PLCB1: variants seen among roughly 807,000 people sequenced by gnomAD.
The protein encoded by PLCB1 is 1-phosphatidylinositol 4,5-bisphosphate phosphodiesterase beta-1.
A neutral mutation model predicts 161.8 loss-of-function variants in PLCB1; 46 were observed. The ratio of observed to expected loss-of-function variants is 0.28; its 90% CI spans 0.22 to 0.36. The LOEUF is 0.36. Ranked by LOEUF, PLCB1 falls within the 10% of genes least tolerant of loss-of-function variation. The pLI, the probability that PLCB1 is intolerant of heterozygous loss-of-function variation, is 1.00. For synonymous variants in PLCB1, 517 were observed against 503.7 expected, an observed-to-expected ratio of 1.03 and a Z score of -0.35; for missense variants, 1,016 against 1,472.5, an observed-to-expected ratio of 0.69 and a Z score of 5.07.
At chr20:8,252,782 G>T (rs894191653) in intron 2 of PLCB1, among the ~76,000 whole-genome samples, 2 of 151,968 alleles carry the variant, frequency 1.3e-5, no homozygotes, top group South Asian at 4.1e-4. Context: ...ACAGAGATGT[G>T]TATGTAGGGA....
At chr20:8,872,108 T>C (rs1047157657) in intron 31 of PLCB1, among the ~76,000 whole-genome samples, 2 of 139,056 alleles carry the variant, frequency 1.4e-5, no homozygotes. Flanking sequence ...TAACTTATGT[T>C]GCCTTCTTAG....
intron 2 of PLCB1, among the ~76,000 whole-genome samples, chr20:8,239,593 T>TAAAA (rs765027402): frequency 7.1e-6 from 1 of 140,400 alleles, no homozygotes. Context: ...TTCTGGTACT[T>TAAAA]AAAAAAAAAA....
intron 31 of PLCB1, among the ~76,000 whole-genome samples, chr20:8,861,199 T>C (rs1174161850): frequency 6.6e-6 from 1 of 152,248 alleles, no homozygotes; most frequent in Non-Finnish European, 1.5e-5. Context: ...AAAATGTTGG[T>C]TGTATTTGTA....
chr20:8,697,552 A>G, intron 10 of PLCB1, 74 bp from the exon 11 acceptor site: 1 of 1,450,080 alleles, frequency 6.9e-7, no homozygotes, highest in South Asian at 1.2e-5. Context: ...GTTATTGAGG[A>G]GCCTTTCTAA....
intron 2 of PLCB1, among the ~76,000 whole-genome samples, chr20:8,175,434 G>C (rs1406051712): frequency 6.8e-6 from 1 of 148,084 alleles, no homozygotes; most frequent in African/African-American, 2.5e-5. Flanking sequence ...TGGAGACATT[G>C]GATATTCATA....
At chr20:8,345,530 G>C (rs16994710) in intron 2 of PLCB1, among the ~76,000 whole-genome samples, 29,915 of 152,102 alleles carry the variant, frequency 0.2, 3,229 homozygotes, top group East Asian at 0.38. Flanking sequence ...CCCTCTTTCT[G>C]GTCCAGGCAC....
At chr20:8,226,144 C>T (rs1600245457) in intron 2 of PLCB1, among the ~76,000 whole-genome samples, 1 of 152,154 alleles carries the variant, frequency 6.6e-6, no homozygotes, top group Admixed American at 6.5e-5. Context: ...GTGTCTTTTG[C>T]AGGTCATTCT....
chr20:8,792,100 TCA>T (rs2146225266), intron 31 of PLCB1: 1 of 153,268 alleles, frequency 6.5e-6, no homozygotes, highest in Non-Finnish European at 1.5e-5. Flanking sequence ...GACCGTGAAC[TCA>T]GTCATGAGAT....
chr20:8,757,079 A>C lies in PLCB1; in HGVS notation c.2557A>C (p.Ser853Arg). Residue 853 changes from serine to arginine, a missense_variant, in exon 24 of 32, where the codon AGT (serine) becomes CGT (arginine). Ser to Arg is a moderately radical substitution (Grantham distance 110, BLOSUM62 -1). Around this residue, in one of 10 missense-constraint regions of PLCB1, gnomAD observed 398 missense variants for 445.4 expected, o/e 0.89. Coordinates refer to ENST00000338037, the MANE Select transcript of PLCB1 (RefSeq NM_015192.4). ...DPGETPSEAP[S>R]EARTTPAENG... ...TGGAGAAACACCATCAGAGGCTCCAAGTGAAGCGAGAACGACTCCAGCAGA... is the reference window on the plus strand; with the variant it reads ...TGGAGAAACACCATCAGAGGCTCCACGTGAAGCGAGAACGACTCCAGCAGA... 6.2e-7 allele frequency: 1 copy of C among 1,610,754 alleles called. No homozygotes were observed. Among genetic ancestry groups the C allele is most frequent in the African/African-American group, 1.3e-5 (1 of 74,980 alleles).
chr20:8,884,225 T>A lies in PLCB1; in HGVS notation c.*2376T>A, dbSNP rs1002435429. ...ACTGTCCATCTTGCATCATTGAAAC[T>A]ACTACAATGATACTATCATTTAATA... On this transcript the variant is annotated 3_prime_UTR_variant, in exon 32 of 32. Coordinates refer to ENST00000338037, the MANE Select transcript of PLCB1 (RefSeq NM_015192.4). 1.3e-5 allele frequency: 2 copies of A among 152,752 alleles called. No individual in the cohort carries two copies. The highest frequency in any genetic ancestry group is 2.4e-5 in the African/African-American group (1 of 41,588). 9.5% of individuals were successfully genotyped at this position (152,752 alleles called of 1,614,324 possible).
At chr20:8,355,456 C>T (rs1379896340) in intron 2 of PLCB1, among the ~76,000 whole-genome samples, 1 of 152,174 alleles carries the variant, frequency 6.6e-6, no homozygotes, top group Non-Finnish European at 1.5e-5. Flanking sequence ...CTCCTAGGGT[C>T]TCTCTGTCCT....
chr20:8,237,721 C>T (rs1980397955), intron 2 of PLCB1, among the ~76,000 whole-genome samples: 1 of 151,856 alleles, frequency 6.6e-6, no homozygotes, highest in South Asian at 2.1e-4. Flanking sequence ...TTTCATTTAC[C>T]CTGATGTAGA....
chr20:8,730,978 C>A (rs910925963), intron 18 of PLCB1, among the ~76,000 whole-genome samples: 4 of 151,762 alleles, frequency 2.6e-5, no homozygotes, highest in African/African-American at 9.7e-5. Flanking sequence ...TTTTTAGACA[C>A]ACAAAGACAG....
chr20:8,602,564 G>A (rs1333432761), intron 3 of PLCB1, among the ~76,000 whole-genome samples: 1 of 152,172 alleles, frequency 6.6e-6, no homozygotes, highest in Non-Finnish European at 1.5e-5. Context: ...ATTGAGGAAT[G>A]CATTCAGGTC....
rs529518329 is a variant in PLCB1, at chr20:8,451,715, G to A, written c.246+80265G>A. Among the ~76,000 whole-genome samples the A allele has an allele frequency of 1.6e-3, 237 of 151,724 alleles. 1 individual carries two copies. The highest frequency in any genetic ancestry group is 2.5e-3 in the Non-Finnish European group (168 of 67,878). On this transcript the variant is annotated intron_variant, in intron 3 of 31. Transcript: ENST00000338037. ...AGCTGTTTCCTTCCTTCATCCCTTCGTTTCCTCCTTTTTCCTCCCCTCCTA... is the reference window on the plus strand; with the variant it reads ...AGCTGTTTCCTTCCTTCATCCCTTCATTTCCTCCTTTTTCCTCCCCTCCTA...
At chr20:8,551,132 T>G (rs1985762020) in intron 3 of PLCB1, among the ~76,000 whole-genome samples, 1 of 152,154 alleles carries the variant, frequency 6.6e-6, no homozygotes, top group African/African-American at 2.4e-5. Flanking sequence ...ATAAATTCTT[T>G]TGCTAAATTG....
chr20:8,255,528 T>C (rs1350986612), intron 2 of PLCB1, among the ~76,000 whole-genome samples: 6 of 152,086 alleles, frequency 3.9e-5, no homozygotes, highest in Non-Finnish European at 1.5e-5. Flanking sequence ...TTAAGACTTT[T>C]ATATATCATA....
chr20:8,759,963 T>A (rs1232973611), intron 24 of PLCB1, among the ~76,000 whole-genome samples: 6 of 131,096 alleles, frequency 4.6e-5, no homozygotes, highest in Non-Finnish European at 9.3e-5. Context: ...TGGAGTGCAG[T>A]GGCATGATCT....
intron 1 of PLCB1, among the ~76,000 whole-genome samples, chr20:8,135,827 A>C (rs1269700739): frequency 6.6e-6 from 1 of 152,102 alleles, no homozygotes; most frequent in African/African-American, 2.4e-5. Context: ...TGGTGGTAGG[A>C]GGTGGGTGTA....
Sources: allele counts gnomAD v4.1 joint callset (sites outside exome capture counted in the v4.1 genomes callset), GRCh38; gene constraint gnomAD v4.1.1; regional missense constraint gnomAD v4.1.1; transcripts MANE v1.5; gene names NCBI Gene and HGNC (gene_info 2026-07-23, HGNC 2026-07-21).